Variants in GFRA2 observed in about 807,000 individuals in gnomAD.
The protein encoded by GFRA2 is GDNF family receptor alpha-2.
GFRA2 carries 17 observed loss-of-function variants against 48.3 expected under a neutral mutation model. That is an observed-to-expected ratio of 0.35 (90% CI 0.24 to 0.53). The LOEUF is 0.53. GFRA2 is among the 20% of genes least tolerant of loss of function. The pLI is 0.93. For synonymous variants in GFRA2, 305 were observed against 257.2 expected, an observed-to-expected ratio of 1.19 and a Z score of -1.78; for missense variants, 660 against 637.3, an observed-to-expected ratio of 1.04 and a Z score of -0.38.
chr8:21,714,392 G>C (rs1803230872), intron 4 of GFRA2, among the ~76,000 whole-genome samples: 1 of 151,534 alleles, frequency 6.6e-6, no homozygotes, highest in African/African-American at 2.4e-5. Context: ...GGAATTATAG[G>C]TATGCACCAC....
At chr8:21,769,114 T>G in intron 3 of GFRA2, 1 of 940,150 alleles carries the variant, frequency 1.1e-6, no homozygotes, top group Non-Finnish European at 1.3e-6. Context: ...TAAATGAGTA[T>G]CTACCTGTTG....
rs986450083 is a variant in GFRA2, at chr8:21,750,196, C to T, written c.794+392G>A. The stretch of plus-strand genomic sequence containing the variant: ...GCCTCAAGTGATCCTCCTGCCTCAG[C>T]CTCCTGAGTCGCTGGGATTACAGGC... On this transcript the variant is annotated intron_variant, in intron 4 of 8. Coordinates refer to ENST00000524240, the MANE Select transcript of GFRA2 (RefSeq NM_001495.5). This position sits in a 1 kb window ranked among gnomAD's most constrained non-coding sequence, Gnocchi z 5.7. Among the ~76,000 whole-genome samples, 1 of 152,096 alleles carries T rather than the reference C, an allele frequency of 6.6e-6. No individual in the cohort carries two copies. The highest frequency in any genetic ancestry group is 2.4e-5 in the African/African-American group (1 of 41,416).
At chr8:21,728,862 C>A (rs10105427) in intron 4 of GFRA2, among the ~76,000 whole-genome samples, 115,541 of 152,200 alleles carry the variant, frequency 0.76, 44,096 homozygotes, top group Non-Finnish European at 0.79. Context: ...ATGGTGACAC[C>A]GTGGCTAACA....
intron 4 of GFRA2, among the ~76,000 whole-genome samples, chr8:21,706,771 A>G (rs932499766): frequency 2.0e-5 from 3 of 152,112 alleles, no homozygotes; most frequent in African/African-American, 7.2e-5. Context: ...GCACAGCTCT[A>G]TGTTCCCCAC....
intron 3 of GFRA2, among the ~76,000 whole-genome samples, chr8:21,760,590 A>C (rs1258337636): frequency 6.6e-6 from 1 of 152,226 alleles, no homozygotes; most frequent in African/African-American, 2.4e-5. Flanking sequence ...TTTTTGACTT[A>C]AGTTTGAGAT....
chr8:21,773,645 T>G (rs1258076455), intron 3 of GFRA2, among the ~76,000 whole-genome samples: 2 of 152,376 alleles, frequency 1.3e-5, no homozygotes, highest in Middle Eastern at 3.4e-3. Context: ...TGGTATTTAA[T>G]TTCTCTAGTT....
At chr8:21,790,835 T>C (rs960134272), upstream of GFRA2, among the ~76,000 whole-genome samples, 2 of 152,202 alleles carry the variant, frequency 1.3e-5, no homozygotes, top group Non-Finnish European at 2.9e-5. Flanking sequence ...TTTCCAAAAA[T>C]TGGGGAGCAT....
At chr8:21,702,255 G>A (rs139187331) in intron 7 of GFRA2, among the ~76,000 whole-genome samples, 5 of 152,326 alleles carry the variant, frequency 3.3e-5, no homozygotes, top group African/African-American at 1.2e-4. Context: ...CCACCCAGTC[G>A]CCAGGAGGGC....
At chr8:21,793,013 G>T (rs1807603667), upstream of GFRA2, among the ~76,000 whole-genome samples, 1 of 152,158 alleles carries the variant, frequency 6.6e-6, no homozygotes, top group African/African-American at 2.4e-5. Flanking sequence ...GTTGCGGTGA[G>T]TCGAGATGGC....
chr8:21,732,344 C>A (rs1804239338), intron 4 of GFRA2, among the ~76,000 whole-genome samples: 2 of 152,190 alleles, frequency 1.3e-5, no homozygotes, highest in South Asian at 4.1e-4. Flanking sequence ...CAGGGCCTGC[C>A]GAGTGGAGCA....
intron 4 of GFRA2, among the ~76,000 whole-genome samples, chr8:21,711,585 G>A (rs974133217): frequency 5.3e-5 from 8 of 152,156 alleles, no homozygotes; most frequent in Non-Finnish European, 1.0e-4. Context: ...CATATTAAAC[G>A]AAGAACGTGT....
intron 4 of GFRA2, among the ~76,000 whole-genome samples, chr8:21,737,798 T>C (rs549131585): frequency 6.6e-6 from 1 of 152,234 alleles, no homozygotes; most frequent in East Asian, 1.9e-4. Context: ...AATGCCTACA[T>C]CGAGCAGTTT....
intron 1 of GFRA2, among the ~76,000 whole-genome samples, chr8:21,810,015 A>G (rs763128846): frequency 6.6e-6 from 1 of 152,100 alleles, no homozygotes; most frequent in African/African-American, 2.4e-5. Context: ...ACCCTCCTAG[A>G]TCATCTCCCA....
At chr8:21,706,916 T>G (rs961356897) in intron 4 of GFRA2, among the ~76,000 whole-genome samples, 3 of 152,276 alleles carry the variant, frequency 2.0e-5, no homozygotes, top group South Asian at 4.1e-4. Flanking sequence ...TCTCCATTCC[T>G]TCCTCTTCCT....
intron 4 of GFRA2, among the ~76,000 whole-genome samples, chr8:21,710,935 A>G (rs894340604): frequency 1.3e-5 from 2 of 152,176 alleles, no homozygotes; most frequent in African/African-American, 4.8e-5. Context: ...TTTGATTGCT[A>G]AAGTTTCTCT....
At chr8:21,729,799 G>A (rs976477037) in intron 4 of GFRA2, among the ~76,000 whole-genome samples, 14 of 151,950 alleles carry the variant, frequency 9.2e-5, no homozygotes, top group African/African-American at 1.9e-4. Flanking sequence ...ACCAGAGAAC[G>A]ACTCTCCTCT....
At chr8:21,802,206 G>T (rs1169483199) in intron 2 of GFRA2, among the ~76,000 whole-genome samples, 1 of 152,200 alleles carries the variant, frequency 6.6e-6, no homozygotes, top group African/African-American at 2.4e-5. Context: ...CTGGCTTTGG[G>T]AAAGTCCCTA....
intron 4 of GFRA2, among the ~76,000 whole-genome samples, chr8:21,708,922 C>T (rs1802881358): frequency 6.6e-6 from 1 of 152,200 alleles, no homozygotes; most frequent in Non-Finnish European, 1.5e-5. Context: ...TTTGCTACAG[C>T]GGCCCCAGGA....
At chr8:21,767,551 G>C (rs1806234576) in intron 3 of GFRA2, among the ~76,000 whole-genome samples, 1 of 152,262 alleles carries the variant, frequency 6.6e-6, no homozygotes, top group South Asian at 2.1e-4. Context: ...CGAAGCCAGG[G>C]CGTGCTCAGG....
Sources: allele counts gnomAD v4.1 joint callset (sites outside exome capture counted in the v4.1 genomes callset), GRCh38; gene constraint gnomAD v4.1.1; non-coding constraint Gnocchi (gnomAD v3.1); transcripts MANE v1.5; gene names NCBI Gene and HGNC (gene_info 2026-07-23, HGNC 2026-07-21).